The following SPEF2 variants were observed in gnomAD, a reference collection of about 807,000 sequenced individuals.
The protein encoded by SPEF2 is sperm flagellar and cilia associated 2, also known as sperm flagella and cilia-associated protein 2.
Under a neutral mutation model 224.6 loss-of-function variants are expected in SPEF2, and 187 were observed. The observed-to-expected ratio is 0.83, with a 90% CI of 0.74 to 0.94. The LOEUF (loss-of-function observed/expected upper bound fraction) is 0.94. Ranked by LOEUF, SPEF2 falls within the 40% of genes least tolerant of loss-of-function variation. SPEF2 has a pLI of 0.00. For missense variants in SPEF2, 2,170 were observed against 2,135.6 expected (o/e 1.02, Z -0.32); for synonymous variants, 715 against 707.3 (o/e 1.01, Z -0.17).
chr5:35,813,262 G>A (rs1305272972), intron 36 of SPEF2, among the ~76,000 whole-genome samples: 1 of 152,316 alleles, frequency 6.6e-6, no homozygotes, highest in African/African-American at 2.4e-5. Context: ...GGAGGCTGAG[G>A]TGGGAGGATT....
chr5:35,806,844 T>A lies in SPEF2; in HGVS notation c.5148T>A (p.Asn1716Lys). ...KDEEIPENAN[N>K]EKMSMETLLK... is the part of the protein sequence containing the mutation. The stretch of plus-strand genomic sequence containing the variant: ...AAGAAATCCCTGAAAATGCAAACAA[T>A]GAAAAGATGTCCATGGAAACACTAC... Residue 1716 changes from asparagine (N) to lysine (K), a missense_variant, in exon 35 of 37, where the codon AAT (asparagine) becomes AAA (lysine). Transcript: ENST00000356031. 1 of 1,613,626 alleles carries A rather than the reference T, an allele frequency of 6.2e-7. No individual in the cohort carries two copies.
chr5:35,658,584 AT>A (rs77041579), intron 7 of SPEF2, among the ~76,000 whole-genome samples: 14,679 of 150,066 alleles, frequency 0.098, 849 homozygotes, highest in East Asian at 0.18. Context: ...TATAGCACTT[AT>A]TTTTTTTTTA....
intron 23 of SPEF2, among the ~76,000 whole-genome samples, chr5:35,747,355 T>C (rs1285070207): frequency 1.3e-5 from 2 of 152,222 alleles, no homozygotes; most frequent in African/African-American, 4.8e-5. Context: ...TAACATTGAA[T>C]GTAAATGGCC....
intron 28 of SPEF2, among the ~76,000 whole-genome samples, chr5:35,775,416 G>A (rs1046258424): frequency 3.3e-5 from 5 of 152,106 alleles, no homozygotes; most frequent in African/African-American, 1.2e-4. Context: ...GGAGTATTAC[G>A]TGCCATGGCA....
At chr5:35,711,308 A>G in intron 19 of SPEF2, among the ~76,000 whole-genome samples, 1 of 151,532 alleles carries the variant, frequency 6.6e-6, no homozygotes, top group Non-Finnish European at 1.5e-5. Context: ...TTTTGTTAAA[A>G]TTTTGTTAAA....
intron 35 of SPEF2, 85 bp from the exon 36 acceptor site, chr5:35,807,046 G>A: frequency 2.6e-6 from 4 of 1,560,964 alleles, no homozygotes; most frequent in Non-Finnish European, 2.6e-6. Context: ...AAATTATACA[G>A]AATCTCTTTA....
At chr5:35,636,761 G>C (rs1745883216) in intron 2 of SPEF2, among the ~76,000 whole-genome samples, 1 of 151,950 alleles carries the variant, frequency 6.6e-6, no homozygotes, top group Non-Finnish European at 1.5e-5. Context: ...GATCACCTGA[G>C]GTCAAGAGTT....
intron 2 of SPEF2, among the ~76,000 whole-genome samples, chr5:35,634,749 G>A (rs180760554): frequency 3.9e-5 from 6 of 152,096 alleles, no homozygotes; most frequent in Non-Finnish European, 8.8e-5. Flanking sequence ...ATAATACAGA[G>A]ATTTCCTATA....
At chr5:35,764,861 TG>T (rs1236507081) in intron 26 of SPEF2, 1 of 379,008 alleles carries the variant, frequency 2.6e-6, no homozygotes, top group Non-Finnish European at 5.1e-6. Context: ...TCACAAGCAA[TG>T]ATAACTCCTC....
chr5:35,775,348 G>A (rs187528467), intron 28 of SPEF2, among the ~76,000 whole-genome samples: 39 of 152,264 alleles, frequency 2.6e-4, no homozygotes, highest in Middle Eastern at 6.8e-3. Flanking sequence ...ATTCTTGAGC[G>A]GAATTGGAAG....
intron 10 of SPEF2, among the ~76,000 whole-genome samples, chr5:35,690,440 A>C (rs952085703): frequency 6.6e-6 from 1 of 152,136 alleles, no homozygotes; most frequent in Non-Finnish European, 1.5e-5. Context: ...TTCATACAAG[A>C]ATTATTTTTA....
intron 2 of SPEF2, among the ~76,000 whole-genome samples, chr5:35,630,208 TC>T (rs764484220): frequency 6.6e-5 from 10 of 152,234 alleles, no homozygotes; most frequent in Non-Finnish European, 1.2e-4. Context: ...ATGTGGCTTT[TC>T]CAGGTGCATG....
intron 33 of SPEF2, among the ~76,000 whole-genome samples, chr5:35,796,254 T>G (rs1241463810): frequency 6.6e-6 from 1 of 152,132 alleles, no homozygotes; most frequent in East Asian, 1.9e-4. Context: ...ATTATTATCC[T>G]CAATAATAGC....
At chr5:35,629,867 C>T (rs1218448753) in intron 2 of SPEF2, among the ~76,000 whole-genome samples, 1 of 152,152 alleles carries the variant, frequency 6.6e-6, no homozygotes, top group Non-Finnish European at 1.5e-5. Context: ...TAGCAAGTAT[C>T]AGTATTTCTT....
At chr5:35,748,872 C>G (rs529002362) in intron 23 of SPEF2, among the ~76,000 whole-genome samples, 1 of 152,168 alleles carries the variant, frequency 6.6e-6, no homozygotes, top group South Asian at 2.1e-4. Context: ...CAGCAAAGGA[C>G]ATAACCAAAA....
chr5:35,749,318 C>G lies in SPEF2; in HGVS notation c.3331-4306C>G, dbSNP rs577902982. On this transcript the variant is annotated intron_variant, in intron 23 of 36. Transcript: ENST00000356031. ...AAGACAAGTATGCCCACTCTCACCA[C>G]TCCTCTTCAACATAGTACTGGAGGT... Among the ~76,000 whole-genome samples, 6 of 152,274 alleles carry G rather than the reference C, an allele frequency of 3.9e-5. No homozygotes were observed. In the South Asian group the frequency reaches 1.0e-3, roughly 26 times the overall value.
rs1233046787 is a variant in SPEF2 at position 35,625,666 on chromosome 5, A to C, written c.59-2794A>C. Among the ~76,000 whole-genome samples, 3 of 152,314 alleles carry C rather than the reference A, an allele frequency of 2.0e-5. No individual in the cohort carries two copies. In the East Asian group the frequency reaches 5.8e-4, roughly 29 times the overall value. On this transcript the variant is annotated intron_variant, in intron 1 of 36. Transcript: ENST00000356031. Reference sequence around the variant, plus strand: ...TTCTATGTCCAGTGGCTCTTTAGAAAACTAAGGGAAGAATAGGGATAGGCT... The same window carrying C: ...TTCTATGTCCAGTGGCTCTTTAGAACACTAAGGGAAGAATAGGGATAGGCT...
intron 10 of SPEF2, among the ~76,000 whole-genome samples, chr5:35,685,225 A>G (rs965812620): frequency 6.6e-6 from 1 of 152,174 alleles, no homozygotes; most frequent in Non-Finnish European, 1.5e-5. Context: ...AAATTTATGT[A>G]TAACTACATT....
chr5:35,677,182 AC>A (rs1312577783), intron 10 of SPEF2, among the ~76,000 whole-genome samples: 1 of 152,178 alleles, frequency 6.6e-6, no homozygotes, highest in East Asian at 1.9e-4. Context: ...AGAAATTCCA[AC>A]CAAAAGTGTC....
Sources: gnomAD v4.1 joint callset for allele counts (sites outside exome capture counted in the v4.1 genomes callset) on GRCh38, gnomAD v4.1.1 for gene constraint, MANE v1.5 for transcripts, NCBI Gene and HGNC (gene_info 2026-07-23, HGNC 2026-07-21) for gene names.